The following FERMT2 variants were observed in gnomAD, a reference collection of about 807,000 sequenced individuals.
The protein encoded by FERMT2 is fermitin family homolog 2.
In FERMT2, 15 loss-of-function variants were observed where a neutral mutation model predicts 82.7. That is an observed-to-expected ratio of 0.18 (90% confidence interval 0.12 to 0.28). The LOEUF is 0.28. Among genes scored for constraint, FERMT2 ranks in the 10% least tolerant of loss-of-function variants. The probability of loss-of-function intolerance (pLI) is 1.00; values close to 1 mark genes in which losing one functional copy is unlikely to be tolerated. For synonymous variants in FERMT2, 274 were observed against 271.5 expected (o/e 1.01, Z -0.09); for missense variants, 645 against 809.4 (o/e 0.80, Z 2.46).
Position 52,857,605 on chromosome 14 carries a change from G to T in FERMT2, c.*772C>A, listed in dbSNP as rs1049570190. On this transcript the variant is annotated 3_prime_UTR_variant, in exon 15 of 15. Transcript: ENST00000341590. ...GCTACATTTAAGCCATCTGCTAGTT[G>T]TGAGTAGTTTTTAAAAAACTGTACA... 13 of 152,708 alleles carry T rather than the reference G, an allele frequency of 8.5e-5. No individual in the cohort carries two copies. Among genetic ancestry groups the T allele is most frequent in the Middle Eastern group, 6.8e-3 (2 of 294 alleles). 9.5% of individuals were successfully genotyped at this position (152,708 alleles called of 1,614,324 possible). A position where few individuals can be genotyped will look rare whatever the true frequency, so the allele number is the denominator to read the frequency against.
intron 7 of FERMT2, 33 bp downstream of exon 7, chr14:52,878,549 G>T: frequency 7.6e-7 from 1 of 1,323,356 alleles, no homozygotes; most frequent in East Asian, 2.4e-5. Context: ...CCCTTTACCG[G>T]AATAAGTCCC....
At chr14:52,949,100 G>A (rs1253704693) in intron 2 of FERMT2, among the ~76,000 whole-genome samples, 1 of 152,116 alleles carries the variant, frequency 6.6e-6, no homozygotes, top group Non-Finnish European at 1.5e-5. Flanking sequence ...CTACCTAGGA[G>A]GATTTTCTTT....
chr14:52,894,787 G>A (rs1232702199), intron 3 of FERMT2, among the ~76,000 whole-genome samples: 1 of 150,912 alleles, frequency 6.6e-6, no homozygotes. Context: ...AAATGTAACA[G>A]TCAAAATAAT....
chr14:52,899,658 T>C (rs1466598716), intron 3 of FERMT2, among the ~76,000 whole-genome samples: 1 of 152,178 alleles, frequency 6.6e-6, no homozygotes, highest in African/African-American at 2.4e-5. Flanking sequence ...TTTCTAATGG[T>C]AGGTAGTTCC....
intron 3 of FERMT2, among the ~76,000 whole-genome samples, chr14:52,905,017 T>C (rs1223576852): frequency 1.3e-5 from 2 of 151,442 alleles, no homozygotes; most frequent in African/African-American, 4.8e-5. Flanking sequence ...TGGTGAAACC[T>C]CATCTCTACT....
Position 52,857,434 on chromosome 14 carries a change from A to C in FERMT2, c.*943T>G, listed in dbSNP as rs939802231. The C allele has an allele frequency of 6.5e-6, 1 of 152,672 alleles. No individual in the cohort carries two copies. Among genetic ancestry groups the C allele is most frequent in the Non-Finnish European group, 1.5e-5 (1 of 68,044 alleles). 9.5% of individuals were successfully genotyped at this position (152,672 alleles called of 1,614,324 possible). A position where few individuals can be genotyped will look rare whatever the true frequency, so the allele number is the denominator to read the frequency against. The stretch of plus-strand genomic sequence containing the variant: ...GCACCAATACAGATTGTAACAGCGC[A>C]ACAGACTAGAACATGGCCAGTCCAG... On this transcript the variant is annotated 3_prime_UTR_variant, in exon 15 of 15. Coordinates refer to ENST00000341590, the MANE Select transcript of FERMT2 (RefSeq NM_006832.3).
chr14:52,923,867 A>G (rs1462268937), intron 2 of FERMT2, among the ~76,000 whole-genome samples: 1 of 152,206 alleles, frequency 6.6e-6, no homozygotes, highest in East Asian at 1.9e-4. Flanking sequence ...CACTCATGGC[A>G]AAAGATAAAA....
Position 52,939,587 on chromosome 14 carries a change from A to C in FERMT2, c.157+10825T>G, listed in dbSNP as rs570636625. Among the ~76,000 whole-genome samples the C allele has an allele frequency of 9.9e-5, 15 of 152,244 alleles. 1 individual carries two copies. In the South Asian group the frequency reaches 3.1e-3, roughly 32 times the overall value. Reference sequence around the variant, plus strand: ...CTAACATAATCCTTATAATAATCCAAAGATACTGTTATTATCCCCATTTTC... The same window carrying C: ...CTAACATAATCCTTATAATAATCCACAGATACTGTTATTATCCCCATTTTC... On this transcript the variant is annotated intron_variant, in intron 2 of 14. Transcript: ENST00000341590.
At chr14:52,904,864 C>T (rs1273884189) in intron 3 of FERMT2, among the ~76,000 whole-genome samples, 2 of 150,416 alleles carry the variant, frequency 1.3e-5, no homozygotes, top group South Asian at 2.1e-4. Flanking sequence ...GACAGTGATT[C>T]GGCCAAAAAT....
At position 52,922,664 on chromosome 14, in the gene FERMT2, A is replaced by C. The variant is rs115113828; in HGVS notation, c.158-3308T>G. On this transcript the variant is annotated intron_variant, in intron 2 of 14. Coordinates refer to ENST00000341590, the MANE Select transcript of FERMT2 (RefSeq NM_006832.3). ...GACACTAATAAAGAGGTAATGTGCC[A>C]CCAACCACAAAATCTAAAGAATTTT... Among the ~76,000 whole-genome samples, 1,220 of 152,272 alleles carry C rather than the reference A, an allele frequency of 8.0e-3. 13 individuals carry two copies. The highest frequency in any genetic ancestry group is 0.027 in the African/African-American group (1,139 of 41,544).
rs7160292 is a variant in FERMT2 at position 52,860,302 on chromosome 14, C to A, written c.1727+39G>T. 1.6e-4 allele frequency: 255 copies of A among 1,597,242 alleles called. No homozygotes were observed. In the African/African-American group the frequency reaches 3.0e-3, roughly 19 times the overall value. ...ACATGAGGTAGATTAAGCAAAAATG[C>A]AGATTAAGGTTTACACATAGATGCT... On this transcript the variant is annotated intron_variant, in intron 13 of 14. Transcript: ENST00000341590.
At position 52,892,159 on chromosome 14, in the gene FERMT2, G is replaced by GGTTT. The variant is rs1555368978; in HGVS notation, c.526+1133_526+1134insAAAC. Among the ~76,000 whole-genome samples the GGTTT allele has an allele frequency of 9.9e-4, 78 of 78,782 alleles. 1 individual carries two copies. Among genetic ancestry groups the GGTTT allele is most frequent in the African/African-American group, 3.0e-3 (76 of 25,516 alleles). The allele number at this position is 78,782 out of a possible 152,430, so 51.7% of individuals were successfully genotyped here. A position where few individuals can be genotyped will look rare whatever the true frequency, so the allele number is the denominator to read the frequency against. ...GAATATGCAAAGCAGAGAGAAGGCT[G>GGTTT]TTTTTTGTTTTTTTTTTTTTTTTTT... On this transcript the variant is annotated intron_variant, in intron 4 of 14. Transcript: ENST00000341590.
chr14:52,949,325 CAAAT>C (rs1890503118), intron 2 of FERMT2, among the ~76,000 whole-genome samples: 1 of 142,834 alleles, frequency 7.0e-6, no homozygotes, highest in Non-Finnish European at 1.5e-5. Flanking sequence ...GATTTCCTGA[CAAAT>C]AAGCACTTCT....
At chr14:52,889,150 T>C (rs1462195460) in intron 4 of FERMT2, among the ~76,000 whole-genome samples, 2 of 152,230 alleles carry the variant, frequency 1.3e-5, no homozygotes, top group African/African-American at 2.4e-5. Flanking sequence ...TTTTTCAGAA[T>C]TGCTCAATTA....
At chr14:52,909,195 A>C (rs540089093) in intron 3 of FERMT2, among the ~76,000 whole-genome samples, 1 of 152,298 alleles carries the variant, frequency 6.6e-6, no homozygotes, top group Admixed American at 6.5e-5. Context: ...TAACCTTACT[A>C]AAATGCTCAT....
intron 3 of FERMT2, among the ~76,000 whole-genome samples, chr14:52,905,188 CA>C (rs71125148): frequency 0.097 from 12,330 of 126,666 alleles, 603 homozygotes; most frequent in East Asian, 0.21. Flanking sequence ...GACTCCATCT[CA>C]AAAAAAAAAA....
At chr14:52,933,323 C>T (rs1889675517) in intron 2 of FERMT2, among the ~76,000 whole-genome samples, 1 of 152,102 alleles carries the variant, frequency 6.6e-6, no homozygotes, top group South Asian at 2.1e-4. Flanking sequence ...AACATCTCTA[C>T]CCTGAATTAC....
chr14:52,919,430 T>C, intron 2 of FERMT2, 74 bp from the exon 3 acceptor site: 1 of 1,050,230 alleles, frequency 9.5e-7, no homozygotes, highest in Non-Finnish European at 1.4e-6. Context: ...AGCAGAAAAC[T>C]AGATAATTGG....
Position 52,910,536 on chromosome 14 carries a change from C to T in FERMT2, c.391+8587G>A, listed in dbSNP as rs1888258407. On this transcript the variant is annotated intron_variant, in intron 3 of 14. Transcript: ENST00000341590. ...CGTTCTTTGACAACAGTCTTTCTGT[C>T]CAAAAGAAAAGGAAAATGCAACAAA... Among the ~76,000 whole-genome samples, 4 of 151,836 alleles carry T rather than the reference C, an allele frequency of 2.6e-5. No homozygotes were observed. The South Asian group carries it at 8.3e-4, about 31-fold the overall frequency.
Sources: gnomAD v4.1 joint callset for allele counts (sites outside exome capture counted in the v4.1 genomes callset) on GRCh38, gnomAD v4.1.1 for gene constraint, MANE v1.5 for transcripts, NCBI Gene and HGNC (gene_info 2026-07-23, HGNC 2026-07-21) for gene names.